The following CACNA2D3 variants were observed in gnomAD, a reference collection of about 807,000 sequenced individuals.
The protein encoded by CACNA2D3 is calcium voltage-gated channel auxiliary subunit alpha2delta 3, also known as voltage-dependent calcium channel subunit alpha-2/delta-3.
Under a neutral mutation model 160.6 loss-of-function variants are expected in CACNA2D3, and 60 were observed. The observed-to-expected ratio is 0.37, with a 90% CI of 0.30 to 0.46. The LOEUF (loss-of-function observed/expected upper bound fraction) is 0.46, where lower values mean the gene tolerates loss of function less well. CACNA2D3 is among the 20% of genes least tolerant of loss of function. CACNA2D3 has a pLI of 1.00. For synonymous variants in CACNA2D3, 558 were observed against 492.9 expected (o/e 1.13, Z -1.75); for missense variants, 1,205 against 1,365.0 (o/e 0.88, Z 1.85).
intron 27 of CACNA2D3, among the ~76,000 whole-genome samples, chr3:54,957,053 C>CA (rs1308436674): frequency 6.6e-6 from 1 of 152,112 alleles, no homozygotes; most frequent in Non-Finnish European, 1.5e-5. Flanking sequence ...AAGCTTCTAG[C>CA]AGACACCTGG....
intron 27 of CACNA2D3, among the ~76,000 whole-genome samples, chr3:54,943,264 G>A (rs772597579): frequency 6.6e-6 from 1 of 151,264 alleles, no homozygotes; most frequent in Non-Finnish European, 1.5e-5. Context: ...ATCATGCCCT[G>A]ATCCATCATT....
intron 11 of CACNA2D3, among the ~76,000 whole-genome samples, chr3:54,739,126 A>G (rs1259026762): frequency 2.6e-5 from 4 of 151,832 alleles, no homozygotes; most frequent in African/African-American, 7.3e-5. Flanking sequence ...CTGTCTCAAT[A>G]GGAAAAAAAA....
intron 2 of CACNA2D3, among the ~76,000 whole-genome samples, chr3:54,285,227 A>G (rs894068067): frequency 6.6e-6 from 1 of 152,170 alleles, no homozygotes; most frequent in Non-Finnish European, 1.5e-5. Flanking sequence ...GGTCACTCCC[A>G]CCCTAATACT....
In CACNA2D3 at chr3:54,769,105, C is replaced by CA. The variant is rs777270807; in HGVS notation, c.1380+4756dup. On this transcript the variant is annotated intron_variant, in intron 13 of 37. Transcript: ENST00000474759. ...TTCTGCCAGGACACGAACAAACAAA[C>CA]AACAACAAAACCCCATCATTTATAC... Among the ~76,000 whole-genome samples, 20 of 152,252 alleles carry CA rather than the reference C, an allele frequency of 1.3e-4. No homozygotes were observed. In the East Asian group the frequency reaches 2.3e-3, roughly 18 times the overall value.
chr3:54,236,466 G>A (rs1701878541), intron 2 of CACNA2D3, among the ~76,000 whole-genome samples: 1 of 152,084 alleles, frequency 6.6e-6, no homozygotes, highest in African/African-American at 2.4e-5. Context: ...CTGAGATAAA[G>A]AAGTTTATTG....
chr3:54,612,354 A>AT (rs938164705), intron 9 of CACNA2D3, among the ~76,000 whole-genome samples: 2 of 151,792 alleles, frequency 1.3e-5, no homozygotes, highest in African/African-American at 4.8e-5. Context: ...GACATTAATC[A>AT]TTTTTTTTAG....
At chr3:54,866,977 A>G (rs1699415270) in intron 17 of CACNA2D3, among the ~76,000 whole-genome samples, 1 of 152,294 alleles carries the variant, frequency 6.6e-6, no homozygotes, top group South Asian at 2.1e-4. Context: ...TTTTTTTCGT[A>G]AAACAGGCAC....
intron 4 of CACNA2D3, among the ~76,000 whole-genome samples, chr3:54,440,948 C>T (rs533593456): frequency 7.9e-5 from 12 of 152,258 alleles, no homozygotes; most frequent in Admixed American, 2.0e-4. Context: ...CGTAAACATA[C>T]GTGTGCATGT....
At chr3:54,656,807 C>T (rs1242124628) in intron 11 of CACNA2D3, among the ~76,000 whole-genome samples, 1 of 152,240 alleles carries the variant, frequency 6.6e-6, no homozygotes, top group Non-Finnish European at 1.5e-5. Flanking sequence ...ACCCTTCCCC[C>T]TTCCCCAGTT....
rs182831251 is a variant in CACNA2D3 at position 54,354,591 on chromosome 3, C to T, written c.322-32124C>T. On this transcript the variant is annotated intron_variant, in intron 3 of 37. Transcript: ENST00000474759. The stretch of plus-strand genomic sequence containing the variant: ...GCAGTCAGAATTTTCTGTCAGTGCT[C>T]TTACTTCTAAGCAAAGCCAATTGAA... Among the ~76,000 whole-genome samples the T allele has an allele frequency of 1.6e-3, 237 of 152,232 alleles. 1 individual carries two copies. Among genetic ancestry groups the T allele is most frequent in the Non-Finnish European group, 5.1e-4 (35 of 68,024 alleles).
chr3:54,762,619 C>G (rs1409497201), intron 12 of CACNA2D3, among the ~76,000 whole-genome samples: 1 of 152,210 alleles, frequency 6.6e-6, no homozygotes, highest in Non-Finnish European at 1.5e-5. Flanking sequence ...TCCAAGGGAT[C>G]CAGGCCTGTG....
chr3:54,795,299 C>G (rs1249277884), intron 13 of CACNA2D3, among the ~76,000 whole-genome samples: 1 of 151,768 alleles, frequency 6.6e-6, no homozygotes, highest in Non-Finnish European at 1.5e-5. Flanking sequence ...TTATTGTGTT[C>G]ATGTTTTCTT....
intron 18 of CACNA2D3, chr3:54,875,666 A>G (rs2106829653): frequency 6.6e-6 from 1 of 152,352 alleles, no homozygotes; most frequent in East Asian, 1.9e-4. Flanking sequence ...GTTGGCAGGA[A>G]AGTGGGTGCT....
At chr3:54,364,238 C>T (rs755373727) in intron 3 of CACNA2D3, among the ~76,000 whole-genome samples, 5 of 152,142 alleles carry the variant, frequency 3.3e-5, no homozygotes, top group Admixed American at 6.5e-5. Flanking sequence ...TTGACACTTT[C>T]GTAGCTCAAA....
Position 54,886,935 on chromosome 3 carries a change from C to CT in CACNA2D3, c.2057-1010dup, listed in dbSNP as rs60899252. 7.2e-4 allele frequency among the ~76,000 whole-genome samples: 78 copies of CT among 107,742 alleles called. 1 individual carries two copies. The highest frequency in any genetic ancestry group is 6.6e-3 in the Middle Eastern group (1 of 152). The allele number at this position is 107,742 out of a possible 152,430, so 70.7% of individuals were successfully genotyped here. ...CTAGCTTTCGCTTTTCAGCAAAGCT[C>CT]TTTTTTTTTTTTTTGCCCCCAGTCA... On this transcript the variant is annotated intron_variant, in intron 23 of 37. Coordinates refer to ENST00000474759, the MANE Select transcript of CACNA2D3 (RefSeq NM_018398.3).
intron 9 of CACNA2D3, among the ~76,000 whole-genome samples, chr3:54,617,861 C>G (rs1698888699): frequency 6.6e-6 from 1 of 152,050 alleles, no homozygotes; most frequent in South Asian, 2.1e-4. Flanking sequence ...CCACTGGGTC[C>G]CCTGTCCCTC....
chr3:54,888,267 C>T (rs1352364057), intron 24 of CACNA2D3, among the ~76,000 whole-genome samples: 5 of 152,136 alleles, frequency 3.3e-5, no homozygotes, highest in East Asian at 1.9e-4. Flanking sequence ...TGAGTTTTAA[C>T]GTTACATGAA....
chr3:54,813,711 T>G (rs1703385487), intron 13 of CACNA2D3, among the ~76,000 whole-genome samples: 1 of 152,084 alleles, frequency 6.6e-6, no homozygotes, highest in African/African-American at 2.4e-5. Context: ...TTCTCTGCCC[T>G]CATGGAGTTT....
intron 31 of CACNA2D3, among the ~76,000 whole-genome samples, chr3:54,998,129 T>C (rs940978898): frequency 7.5e-6 from 1 of 134,034 alleles, no homozygotes; most frequent in Non-Finnish European, 1.5e-5. Context: ...AATTAATTCT[T>C]TTTTTTTTTT....
Sources: allele counts gnomAD v4.1 joint callset (sites outside exome capture counted in the v4.1 genomes callset), GRCh38; gene constraint gnomAD v4.1.1; transcripts MANE v1.5; gene names NCBI Gene and HGNC (gene_info 2026-07-23, HGNC 2026-07-21).